The following C4orf51 variants were observed in gnomAD, a reference collection of about 807,000 sequenced individuals.
C4orf51 encodes the protein uncharacterized protein C4orf51.
Under a neutral mutation model 25.2 loss-of-function variants are expected in C4orf51, and 25 were observed. That is an observed-to-expected ratio of 0.99 (90% CI 0.72 to 1.39). The LOEUF (loss-of-function observed/expected upper bound fraction) is 1.39. Among genes scored for constraint, C4orf51 ranks in the 40% most tolerant of loss-of-function variants. C4orf51 has a pLI of 0.00. For synonymous variants in C4orf51, 100 were observed against 84.5 expected (o/e 1.18, Z -1.01); for missense variants, 252 against 239.6 (o/e 1.05, Z -0.34).
At chr4:145,755,856 A>C (rs1422715223), downstream of C4orf51, among the ~76,000 whole-genome samples, 1 of 152,226 alleles carries the variant, frequency 6.6e-6, no homozygotes. Context: ...GCTCCTTAGA[A>C]TGAATCTTAA....
Position 145,690,978 on chromosome 4 carries a change from G to A in C4orf51, c.234-5581G>A, listed in dbSNP as rs537104968. 1.1e-4 allele frequency among the ~76,000 whole-genome samples: 16 copies of A among 152,050 alleles called. No individual in the cohort carries two copies. The East Asian group carries it at 2.9e-3, about 28-fold the overall frequency. ...CAAAAAAAGAATTAGCCAGATGTGG[G>A]GGCATGTGTCTGTGGTCCCAGCTAC... On this transcript the variant is annotated intron_variant, in intron 1 of 5. Coordinates refer to ENST00000438731, the MANE Select transcript of C4orf51 (RefSeq NM_001080531.3).
intron 1 of C4orf51, among the ~76,000 whole-genome samples, chr4:145,764,282 T>C (rs1208318121): frequency 6.6e-6 from 1 of 152,224 alleles, no homozygotes; most frequent in Non-Finnish European, 1.5e-5. Flanking sequence ...GATGAGGTAG[T>C]ACTAGGACAT....
At chr4:145,694,700 C>G (rs1578937638) in intron 1 of C4orf51, among the ~76,000 whole-genome samples, 1 of 145,268 alleles carries the variant, frequency 6.9e-6, no homozygotes, top group Non-Finnish European at 1.5e-5. Context: ...GTGAGGGGCG[C>G]CTCTGCCCGG....
rs918820825 is a variant in C4orf51 at position 145,761,654 on chromosome 4, C to T, written n.167-9334C>T. The T allele has an allele frequency of 5.6e-6, 6 of 1,064,554 alleles. No individual in the cohort carries two copies. The highest frequency in any genetic ancestry group is 3.1e-4 in the Middle Eastern group (1 of 3,218). 65.9% of individuals were successfully genotyped at this position (1,064,554 alleles called of 1,614,324 possible). On this transcript the variant is annotated intron_variant and non_coding_transcript_variant, in intron 1 of 1. Transcript: ENST00000510096. The surrounding 1 kb of genome is among the most constrained non-coding windows in gnomAD (Gnocchi z 6.8). ...AGCCGGGAAGGTTCGGAGGCAGCCG[C>T]GCTTCTCGCCGCCTCACCAGCCTTC...
chr4:145,732,358 T>C (rs1047433213), intron 5 of C4orf51, 95 bp from the exon 6 acceptor site: 4 of 709,990 alleles, frequency 5.6e-6, no homozygotes, highest in Non-Finnish European at 9.9e-6. Context: ...TCATGAATGA[T>C]GTCTGGTTTG....
rs539384397 is a variant in C4orf51, at chr4:145,699,070, C to A, written c.307+2438C>A. On this transcript the variant is annotated intron_variant, in intron 2 of 5. Coordinates refer to ENST00000438731, the MANE Select transcript of C4orf51 (RefSeq NM_001080531.3). ...AATAGCACCCCCATTGAGCACCTTGCAACCCCCACTCCTGCCCGCCAGAGA... is the reference window on the plus strand; with the variant it reads ...AATAGCACCCCCATTGAGCACCTTGAAACCCCCACTCCTGCCCGCCAGAGA... Among the ~76,000 whole-genome samples, 7 of 151,654 alleles carry A rather than the reference C, an allele frequency of 4.6e-5. No individual in the cohort carries two copies. The East Asian group carries it at 1.2e-3, about 25-fold the overall frequency.
chr4:145,707,418 G>A (rs1730877556), intron 2 of C4orf51, among the ~76,000 whole-genome samples: 1 of 152,230 alleles, frequency 6.6e-6, no homozygotes, highest in African/African-American at 2.4e-5. Flanking sequence ...CTGTACTGGA[G>A]AAGTTATCCC....
intron 1 of C4orf51, among the ~76,000 whole-genome samples, chr4:145,766,116 C>A (rs950835515): frequency 6.6e-6 from 1 of 152,272 alleles, no homozygotes; most frequent in South Asian, 2.1e-4. Context: ...CCCCATTTTA[C>A]GATGAGGGAA....
At chr4:145,757,774 TATACA>T (rs1013468157), downstream of C4orf51, 6 of 152,100 alleles carry the variant, frequency 3.9e-5, no homozygotes, top group Admixed American at 6.5e-5. Context: ...CAAAAAGCTT[TATACA>T]ATACAAATTT....
chr4:145,700,976 A>G (rs866321056), intron 2 of C4orf51, among the ~76,000 whole-genome samples: 10 of 152,118 alleles, frequency 6.6e-5, no homozygotes, highest in African/African-American at 2.4e-4. Flanking sequence ...GTCGAGGTTA[A>G]TGCTCCTTTT....
the C4orf51 span, among the ~76,000 whole-genome samples, chr4:145,789,770 C>T: frequency 6.6e-6 from 1 of 152,298 alleles, no homozygotes; most frequent in East Asian, 1.9e-4. Flanking sequence ...GTTACAATCT[C>T]GATTTGTTCC....
chr4:145,742,811 A>T (rs916484682), intron 1 of C4orf51, among the ~76,000 whole-genome samples: 1 of 152,140 alleles, frequency 6.6e-6, no homozygotes, highest in Non-Finnish European at 1.5e-5. Flanking sequence ...AAGTGCTGGG[A>T]TTGTAGGCGT....
At position 145,765,244 on chromosome 4, in the gene C4orf51, C is replaced by T. The variant is rs76846242; in HGVS notation, n.167-5744C>T. 4 of 1,441,326 alleles carry T rather than the reference C, an allele frequency of 2.8e-6. No homozygotes were observed. The highest frequency in any genetic ancestry group is 3.7e-6 in the Non-Finnish European group (4 of 1,080,184). The allele number at this position is 1,441,326 out of a possible 1,614,324, so 89.3% of individuals were successfully genotyped here. A position where few individuals can be genotyped will look rare whatever the true frequency, so the allele number is the denominator to read the frequency against. On this transcript the variant is annotated intron_variant and non_coding_transcript_variant, in intron 1 of 1. Coordinates refer to the C4orf51 transcript ENST00000510096. The surrounding 1 kb of genome is among the most constrained non-coding windows in gnomAD (Gnocchi z 4.7). ...GCAGGAGTGGAGCCAAGCTCCTCCC[C>T]ACTTCCTCCCGCCTCCTCCGACGCC...
At chr4:145,782,599 CA>C in the C4orf51 span, among the ~76,000 whole-genome samples, 1 of 152,194 alleles carries the variant, frequency 6.6e-6, no homozygotes, top group Admixed American at 6.5e-5. Context: ...GCCTCCAAAA[CA>C]GGTTCTCTGC....
chr4:145,717,323 A>G (rs1731473912), intron 2 of C4orf51, among the ~76,000 whole-genome samples: 1 of 152,228 alleles, frequency 6.6e-6, no homozygotes, highest in African/African-American at 2.4e-5. Flanking sequence ...GAATCAGTGA[A>G]TATACTCATA....
downstream of C4orf51, among the ~76,000 whole-genome samples, chr4:145,757,292 G>A (rs1734019260): frequency 6.6e-6 from 1 of 152,170 alleles, no homozygotes; most frequent in Non-Finnish European, 1.5e-5. Context: ...CTTTGGCTAT[G>A]GGGTCAATGA....
intron 5 of C4orf51, among the ~76,000 whole-genome samples, chr4:145,731,527 A>G (rs1369627053): frequency 6.6e-6 from 1 of 150,972 alleles, no homozygotes; most frequent in Non-Finnish European, 1.5e-5. Flanking sequence ...GAGCAAAAAA[A>G]TAAATCATGA....
At chr4:145,770,604 T>C (rs1294580909) in intron 1 of C4orf51, among the ~76,000 whole-genome samples, 1 of 151,820 alleles carries the variant, frequency 6.6e-6, no homozygotes, top group East Asian at 1.9e-4. Flanking sequence ...TAAAATATAA[T>C]AATAATGATA....
At chr4:145,720,930 C>T (rs555985477) in intron 2 of C4orf51, among the ~76,000 whole-genome samples, 1 of 152,308 alleles carries the variant, frequency 6.6e-6, no homozygotes, top group South Asian at 2.1e-4. Flanking sequence ...GAAAACAAGC[C>T]TCACTCACCA....
Sources: gnomAD v4.1 joint callset for allele counts (sites outside exome capture counted in the v4.1 genomes callset) on GRCh38, gnomAD v4.1.1 for gene constraint, Gnocchi (gnomAD v3.1) non-coding constraint, MANE v1.5 for transcripts, NCBI Gene and HGNC (gene_info 2026-07-23, HGNC 2026-07-21) for gene names.